The following DNAJC15 variants were observed in gnomAD, a reference collection of about 807,000 sequenced individuals.
The protein encoded by DNAJC15 is dnaJ homolog subfamily C member 15.
Under a neutral mutation model 22.4 loss-of-function variants are expected in DNAJC15, and 27 were observed. That is an observed-to-expected ratio of 1.20 (90% CI 0.89 to 1.66). DNAJC15 has a LOEUF of 1.66. Ranked by LOEUF, DNAJC15 falls within the 40% of genes most tolerant of loss-of-function variation. DNAJC15 has a pLI of 0.00. For missense variants in DNAJC15, 208 were observed against 187.1 expected, an observed-to-expected ratio of 1.11 and a Z score of -0.65; for synonymous variants, 79 against 63.2, an observed-to-expected ratio of 1.25 and a Z score of -1.19.
chr13:43,096,547 A>G (rs1287008836), intron 5 of DNAJC15, among the ~76,000 whole-genome samples: 3 of 152,226 alleles, frequency 2.0e-5, no homozygotes, highest in Non-Finnish European at 2.9e-5. Context: ...TATTCATTCA[A>G]CAAAATTTAC....
intron 2 of DNAJC15, among the ~76,000 whole-genome samples, chr13:43,068,368 G>C (rs1336261981): frequency 6.6e-6 from 1 of 152,096 alleles, no homozygotes; most frequent in Non-Finnish European, 1.5e-5. Flanking sequence ...TTTTCAGAGA[G>C]AGTAGCCATC....
At chr13:43,047,101 C>G (rs1483839253) in intron 1 of DNAJC15, among the ~76,000 whole-genome samples, 1 of 152,132 alleles carries the variant, frequency 6.6e-6, no homozygotes, top group Non-Finnish European at 1.5e-5. Context: ...ATTTTGGGAG[C>G]GGCCCACCCC....
intron 5 of DNAJC15, among the ~76,000 whole-genome samples, chr13:43,093,808 A>G (rs2040726645): frequency 6.6e-6 from 1 of 152,166 alleles, no homozygotes; most frequent in African/African-American, 2.4e-5. Flanking sequence ...TCTTTATAAA[A>G]ATATATCTTT....
At chr13:43,098,974 T>C (rs1321561506) in intron 5 of DNAJC15, among the ~76,000 whole-genome samples, 1 of 152,184 alleles carries the variant, frequency 6.6e-6, no homozygotes, top group Non-Finnish European at 1.5e-5. Context: ...AATCTGTAAA[T>C]TAGAATGGGG....
chr13:43,032,626 C>G (rs528456652), intron 1 of DNAJC15, among the ~76,000 whole-genome samples: 8 of 152,272 alleles, frequency 5.3e-5, no homozygotes, highest in Admixed American at 1.3e-4. Flanking sequence ...GAGTTCAAGA[C>G]TAGCCTGGTC....
At chr13:43,061,977 T>A (rs543085216) in intron 1 of DNAJC15, among the ~76,000 whole-genome samples, 1 of 152,342 alleles carries the variant, frequency 6.6e-6, no homozygotes, top group African/African-American at 2.4e-5. Context: ...CCCTGTTGCA[T>A]GCCCCGTCTC....
At chr13:43,071,933 T>TA (rs1054131911) in intron 3 of DNAJC15, among the ~76,000 whole-genome samples, 2 of 152,232 alleles carry the variant, frequency 1.3e-5, no homozygotes, top group Middle Eastern at 3.2e-3. Flanking sequence ...TCTGCTTTGT[T>TA]AAACAGTTTG....
chr13:43,065,372 A>G (rs1212316112), intron 1 of DNAJC15, among the ~76,000 whole-genome samples: 3 of 152,230 alleles, frequency 2.0e-5, no homozygotes, highest in Non-Finnish European at 4.4e-5. Context: ...GAAGATAAAT[A>G]TATTAAACCC....
chr13:43,052,014 G>C (rs907590106), intron 1 of DNAJC15, among the ~76,000 whole-genome samples: 16 of 152,046 alleles, frequency 1.1e-4, no homozygotes, highest in African/African-American at 3.6e-4. Flanking sequence ...GCCCAGGCTG[G>C]AGTGCAGTGG....
chr13:43,023,933 G>C (rs949606654), intron 1 of DNAJC15, among the ~76,000 whole-genome samples, 199 bp downstream of exon 1: 1 of 152,246 alleles, frequency 6.6e-6, no homozygotes, highest in African/African-American at 2.4e-5. Flanking sequence ...GCAGTTCTGA[G>C]GATCTGTCTC....
intron 1 of DNAJC15, among the ~76,000 whole-genome samples, chr13:43,038,371 C>T (rs1197197246): frequency 1.3e-5 from 2 of 152,142 alleles, no homozygotes; most frequent in African/African-American, 4.8e-5. Context: ...TAACAGGCTG[C>T]GTACTGGAGG....
intron 1 of DNAJC15, among the ~76,000 whole-genome samples, chr13:43,027,866 A>T (rs2040387343): frequency 6.6e-6 from 1 of 152,176 alleles, no homozygotes; most frequent in Non-Finnish European, 1.5e-5. Flanking sequence ...CATGTCAGCC[A>T]GGCTGGTCTC....
intron 1 of DNAJC15, among the ~76,000 whole-genome samples, chr13:43,057,916 C>T (rs2040539610): frequency 6.6e-6 from 1 of 152,142 alleles, no homozygotes; most frequent in South Asian, 2.1e-4. Context: ...TGGGCTAGTA[C>T]TGGGGAGTGT....
intron 1 of DNAJC15, among the ~76,000 whole-genome samples, 163 bp downstream of exon 1, chr13:43,023,897 T>C (rs935600380): frequency 6.6e-6 from 1 of 152,264 alleles, no homozygotes; most frequent in Non-Finnish European, 1.5e-5. Flanking sequence ...TGTGCTGGGC[T>C]TTGACGCCTG....
At chr13:43,105,772 ACT>A (rs2040793786) in intron 5 of DNAJC15, among the ~76,000 whole-genome samples, 2 of 152,132 alleles carry the variant, frequency 1.3e-5, no homozygotes, top group Non-Finnish European at 1.5e-5. Flanking sequence ...CACCCTGATA[ACT>A]CTAAGAATTT....
chr13:43,106,125 A>C (rs9533393), intron 5 of DNAJC15, among the ~76,000 whole-genome samples: 21 of 151,888 alleles, frequency 1.4e-4, no homozygotes, highest in Admixed American at 3.3e-4. Context: ...ATAAAAGGCC[A>C]GAAAAAAGTC....
In DNAJC15 at chr13:43,030,556, A is replaced by G. The variant is rs541096982; in HGVS notation, c.108+6822A>G. ...ATGCCCAATTAAAGACAGTTTCTCT[A>G]AGTGCTATCATATTTTTGTTCATTT... On this transcript the variant is annotated intron_variant, in intron 1 of 5. Coordinates refer to ENST00000379221, the MANE Select transcript of DNAJC15 (RefSeq NM_013238.3). Among the ~76,000 whole-genome samples, 6 of 152,344 alleles carry G rather than the reference A, an allele frequency of 3.9e-5. No individual in the cohort carries two copies. In the South Asian group the frequency reaches 1.2e-3, roughly 32 times the overall value.
intron 5 of DNAJC15, among the ~76,000 whole-genome samples, chr13:43,100,118 A>G (rs1431803069): frequency 6.8e-6 from 1 of 146,974 alleles, no homozygotes; most frequent in African/African-American, 2.5e-5. Context: ...GAGCTTGTCC[A>G]TTTTCTCTAA....
intron 5 of DNAJC15, among the ~76,000 whole-genome samples, chr13:43,100,389 G>C (rs2040761802): frequency 6.6e-6 from 1 of 151,566 alleles, no homozygotes; most frequent in South Asian, 2.1e-4. Context: ...TTTATTTTTT[G>C]TAGAGATAGG....
Sources: allele counts gnomAD v4.1 joint callset (sites outside exome capture counted in the v4.1 genomes callset), GRCh38; gene constraint gnomAD v4.1.1; transcripts MANE v1.5; gene names NCBI Gene and HGNC (gene_info 2026-07-23, HGNC 2026-07-21).